Variants in SGCZ observed in about 807,000 individuals in gnomAD.
SGCZ encodes zeta-sarcoglycan.
Under a neutral mutation model 41.3 loss-of-function variants are expected in SGCZ, and 40 were observed. The ratio of observed to expected loss-of-function variants is 0.97; its 90% CI spans 0.75 to 1.26. The LOEUF is 1.26. Ranked by LOEUF, SGCZ falls within the 50% of genes most tolerant of loss-of-function variation. The pLI is 0.00. For missense variants in SGCZ, 552 were observed against 369.8 expected, an observed-to-expected ratio of 1.49 and a Z score of -4.04; for synonymous variants, 206 against 137.5, an observed-to-expected ratio of 1.50 and a Z score of -3.49.
chr8:14,093,013 G>A (rs1585126329), intron 7 of SGCZ, among the ~76,000 whole-genome samples: 2 of 151,828 alleles, frequency 1.3e-5, no homozygotes, highest in South Asian at 2.1e-4. Flanking sequence ...GACAGTGATC[G>A]TATGGCTCTG....
chr8:14,275,305 C>A (rs1800192537), intron 3 of SGCZ, among the ~76,000 whole-genome samples: 1 of 152,162 alleles, frequency 6.6e-6, no homozygotes, highest in African/African-American at 2.4e-5. Context: ...TCTTCCCTAT[C>A]CCTTTTGATA....
intron 1 of SGCZ, among the ~76,000 whole-genome samples, chr8:15,172,932 A>G (rs185688499): frequency 6.6e-6 from 1 of 152,350 alleles, no homozygotes; most frequent in African/African-American, 2.4e-5. Flanking sequence ...ACGTATTAAT[A>G]CTAGTTAAAT....
intron 2 of SGCZ, among the ~76,000 whole-genome samples, chr8:14,354,670 T>TAC (rs1012425952): frequency 1.3e-5 from 2 of 151,590 alleles, no homozygotes; most frequent in African/African-American, 2.4e-5. Flanking sequence ...TGTTGTTAAA[T>TAC]ACACACACAC....
At chr8:14,845,470 C>T (rs1312081317) in intron 1 of SGCZ, among the ~76,000 whole-genome samples, 1 of 152,032 alleles carries the variant, frequency 6.6e-6, no homozygotes, top group Non-Finnish European at 1.5e-5. Context: ...CACACACAAG[C>T]AGGAAAATGT....
At chr8:14,931,458 C>G (rs193058240) in intron 1 of SGCZ, among the ~76,000 whole-genome samples, 57 of 151,872 alleles carry the variant, frequency 3.8e-4, no homozygotes, top group Admixed American at 8.5e-4. Context: ...TTCTAGAGAC[C>G]CATCTGTACA....
intron 1 of SGCZ, among the ~76,000 whole-genome samples, chr8:14,652,922 A>T (rs747431976): frequency 1.3e-5 from 2 of 152,134 alleles, no homozygotes; most frequent in African/African-American, 2.4e-5. Flanking sequence ...ATTGGAAAAT[A>T]TCTTAATTAT....
chr8:14,796,671 T>C (rs1241510979), intron 1 of SGCZ, among the ~76,000 whole-genome samples: 1 of 152,170 alleles, frequency 6.6e-6, no homozygotes, highest in Non-Finnish European at 1.5e-5. Context: ...ATAAGACTCT[T>C]AGTAAACATC....
At chr8:15,112,154 A>T (rs1807092294) in intron 1 of SGCZ, among the ~76,000 whole-genome samples, 1 of 152,212 alleles carries the variant, frequency 6.6e-6, no homozygotes, top group African/African-American at 2.4e-5. Flanking sequence ...TAGTTATATA[A>T]GAAGGCCTTG....
chr8:14,635,079 A>G (rs2117408990), intron 1 of SGCZ, among the ~76,000 whole-genome samples: 1 of 151,508 alleles, frequency 6.6e-6, no homozygotes, highest in East Asian at 1.9e-4. Flanking sequence ...AAAAACATAT[A>G]GAAATTTTAT....
At chr8:14,479,755 T>TA in intron 2 of SGCZ, among the ~76,000 whole-genome samples, 1 of 72,508 alleles carries the variant, frequency 1.4e-5, no homozygotes, top group South Asian at 4.0e-4. Context: ...TTTTTTTTTT[T>TA]TTTTTTATTT....
At chr8:14,441,550 G>C (rs1800270960) in intron 2 of SGCZ, among the ~76,000 whole-genome samples, 1 of 152,114 alleles carries the variant, frequency 6.6e-6, no homozygotes. Flanking sequence ...ACTCCAGCCT[G>C]GTGATAGAGC....
intron 1 of SGCZ, among the ~76,000 whole-genome samples, chr8:14,848,517 A>G (rs1423476473): frequency 2.0e-5 from 3 of 152,240 alleles, no homozygotes; most frequent in African/African-American, 7.2e-5. Flanking sequence ...ATATTGATCA[A>G]TAGAAGAGAA....
chr8:14,747,725 G>C (rs976984711), intron 1 of SGCZ, among the ~76,000 whole-genome samples: 4 of 148,144 alleles, frequency 2.7e-5, no homozygotes, highest in African/African-American at 1.0e-4. Flanking sequence ...GTGTGTGTGT[G>C]TGTGTGTGAG....
At chr8:14,698,629 T>G (rs1331022103) in intron 1 of SGCZ, among the ~76,000 whole-genome samples, 3 of 151,812 alleles carry the variant, frequency 2.0e-5, no homozygotes, top group East Asian at 3.9e-4. Flanking sequence ...AGCATATGTG[T>G]GGGGGGGTAT....
chr8:14,377,544 T>A (rs13274149), intron 2 of SGCZ, among the ~76,000 whole-genome samples: 5 of 152,216 alleles, frequency 3.3e-5, no homozygotes, highest in African/African-American at 1.2e-4. Flanking sequence ...CTTTTGTTAT[T>A]ATACTTTAAG....
intron 1 of SGCZ, among the ~76,000 whole-genome samples, chr8:14,626,460 G>C (rs1321366707): frequency 2.0e-5 from 3 of 151,942 alleles, no homozygotes; most frequent in South Asian, 4.1e-4. Flanking sequence ...TTTGAACTTT[G>C]TCTCTTCTAA....
intron 1 of SGCZ, among the ~76,000 whole-genome samples, chr8:14,604,794 T>C (rs747598792): frequency 5.3e-5 from 8 of 152,144 alleles, no homozygotes; most frequent in Non-Finnish European, 1.2e-4. Context: ...GAAGAAATAG[T>C]CCATGGAAAT....
chr8:14,560,904 TCTC>T (rs1463619764), intron 1 of SGCZ, among the ~76,000 whole-genome samples: 14 of 152,088 alleles, frequency 9.2e-5, no homozygotes, highest in Non-Finnish European at 1.8e-4. Context: ...GCTATGTTTA[TCTC>T]CTCAAGAAAT....
At chr8:14,183,239 A>G (rs1804788339) in intron 4 of SGCZ, among the ~76,000 whole-genome samples, 1 of 151,820 alleles carries the variant, frequency 6.6e-6, no homozygotes, top group East Asian at 1.9e-4. Context: ...AAACCTGGAT[A>G]CTCCTGTAGT....
Sources: gnomAD v4.1 joint callset for allele counts (sites outside exome capture counted in the v4.1 genomes callset) on GRCh38, gnomAD v4.1.1 for gene constraint, MANE v1.5 for transcripts, NCBI Gene and HGNC (gene_info 2026-07-23, HGNC 2026-07-21) for gene names.